Variants in TPD52 observed in about 807,000 individuals in gnomAD.
TPD52 encodes tumor protein D52, also known as prostate and colon associated protein.
In TPD52, 17 loss-of-function variants were observed where a neutral mutation model predicts 31.3. The ratio of observed to expected loss-of-function variants is 0.54; its 90% CI spans 0.37 to 0.82. The LOEUF (loss-of-function observed/expected upper bound fraction) is 0.82. TPD52 is among the 40% of genes least tolerant of loss of function. TPD52 has a pLI of 0.00. For synonymous variants in TPD52, 83 were observed against 89.6 expected, an observed-to-expected ratio of 0.93 and a Z score of 0.42; for missense variants, 212 against 240.1, an observed-to-expected ratio of 0.88 and a Z score of 0.77.
intron 1 of TPD52, among the ~76,000 whole-genome samples, chr8:80,065,309 A>C (rs1332558511): frequency 1.3e-5 from 2 of 150,226 alleles, no homozygotes; most frequent in Admixed American, 1.3e-4. Context: ...CTATCTATAT[A>C]TATATATATC....
At chr8:80,099,646 G>C (rs1367459910) in intron 1 of TPD52, among the ~76,000 whole-genome samples, 2 of 151,982 alleles carry the variant, frequency 1.3e-5, no homozygotes, top group African/African-American at 4.8e-5. Flanking sequence ...GAGTAGCTGG[G>C]ACTACAGGAG....
intron 1 of TPD52, among the ~76,000 whole-genome samples, chr8:80,123,810 T>C (rs6473202): frequency 0.11 from 17,427 of 152,184 alleles, 1,260 homozygotes; most frequent in South Asian, 0.22. Context: ...TTCTACATTC[T>C]TGGTACTGGT....
chr8:80,108,218 G>A (rs1807264796), intron 1 of TPD52, among the ~76,000 whole-genome samples: 1 of 152,036 alleles, frequency 6.6e-6, no homozygotes, highest in Non-Finnish European at 1.5e-5. Context: ...GGCATTTCCT[G>A]AACTCTTTCA....
intron 1 of TPD52, among the ~76,000 whole-genome samples, chr8:80,068,883 T>C (rs1406957676): frequency 2.0e-5 from 3 of 152,254 alleles, no homozygotes; most frequent in Non-Finnish European, 4.4e-5. Flanking sequence ...CATTGTGACA[T>C]GGTTATCACC....
chr8:80,105,728 G>A (rs1807058722), intron 1 of TPD52, among the ~76,000 whole-genome samples: 1 of 122,296 alleles, frequency 8.2e-6, no homozygotes, highest in Non-Finnish European at 1.6e-5. Flanking sequence ...TCCCAGGTCT[G>A]CTTTTTTTTT....
chr8:80,152,677 A>G (rs1412321401), intron 1 of TPD52, among the ~76,000 whole-genome samples: 1 of 151,722 alleles, frequency 6.6e-6, no homozygotes, highest in Non-Finnish European at 1.5e-5. Context: ...GCTACTCGGG[A>G]GGCTGAGGCA....
At chr8:80,089,546 C>T (rs570649511) in intron 1 of TPD52, among the ~76,000 whole-genome samples, 1 of 151,278 alleles carries the variant, frequency 6.6e-6, no homozygotes, top group Admixed American at 6.6e-5. Context: ...ACCCAGAGAT[C>T]GTCAAAAAAA....
At chr8:80,068,072 T>C (rs974915591) in intron 1 of TPD52, among the ~76,000 whole-genome samples, 2 of 151,796 alleles carry the variant, frequency 1.3e-5, no homozygotes, top group Non-Finnish European at 2.9e-5. Context: ...GTTTTTTTTT[T>C]CTCAGAATCT....
At chr8:80,097,067 A>G (rs954825516) in intron 1 of TPD52, among the ~76,000 whole-genome samples, 10 of 152,220 alleles carry the variant, frequency 6.6e-5, no homozygotes, top group Admixed American at 2.0e-4. Flanking sequence ...CACATGAATG[A>G]TAAGAGGGCA....
rs116800828 is a variant in TPD52 at position 80,090,663 on chromosome 8, C to T, written c.20-26070G>A. ...ACTTCTTTTCTCCTTTATTTTCCAT[C>T]CCAATGGGGGAAAAAAGACTATTAT... On this transcript the variant is annotated intron_variant, in intron 1 of 7. Coordinates refer to ENST00000518937, the MANE Select transcript of TPD52 (RefSeq NM_001025253.3). Among the ~76,000 whole-genome samples the T allele has an allele frequency of 4.3e-3, 646 of 151,882 alleles. 4 individuals are homozygous for T. The highest frequency in any genetic ancestry group is 0.014 in the African/African-American group (593 of 41,416).
intron 1 of TPD52, among the ~76,000 whole-genome samples, chr8:80,113,873 T>C (rs1170506961): frequency 6.6e-6 from 1 of 152,196 alleles, no homozygotes; most frequent in Non-Finnish European, 1.5e-5. Flanking sequence ...TCATTACACA[T>C]TGTATCCCGA....
intron 5 of TPD52, 88 bp from the exon 6 acceptor site, chr8:80,044,296 A>G: frequency 4.8e-6 from 5 of 1,044,800 alleles, no homozygotes; most frequent in Non-Finnish European, 5.5e-6. Context: ...TTAGCTCCCC[A>G]GGAGCTTTAT....
chr8:80,051,927 TG>T (rs749351392), intron 3 of TPD52: 109 of 282,724 alleles, frequency 3.9e-4, no homozygotes, highest in Non-Finnish European at 6.0e-4. Flanking sequence ...CAAACCAAGA[TG>T]AAAATAAGCA....
At chr8:80,053,519 T>C (rs964856691) in intron 2 of TPD52, 89 bp from the exon 3 acceptor site, 10 of 1,349,608 alleles carry the variant, frequency 7.4e-6, no homozygotes, top group Middle Eastern at 2.3e-4. Context: ...AAAATTCCAG[T>C]CATTAAACAT....
At chr8:80,104,438 C>T (rs201301407) in intron 1 of TPD52, among the ~76,000 whole-genome samples, 2 of 150,366 alleles carry the variant, frequency 1.3e-5, no homozygotes, top group African/African-American at 2.4e-5. Flanking sequence ...CGTACACACA[C>T]GATCTTGAAC....
chr8:80,109,261 C>G (rs1337684006), intron 1 of TPD52, among the ~76,000 whole-genome samples: 1 of 152,062 alleles, frequency 6.6e-6, no homozygotes, highest in Non-Finnish European at 1.5e-5. Context: ...TTTAAAAGTT[C>G]AATCTGATTC....
At chr8:80,103,337 G>C (rs1016303718) in intron 1 of TPD52, among the ~76,000 whole-genome samples, 7 of 152,262 alleles carry the variant, frequency 4.6e-5, no homozygotes, top group Admixed American at 2.0e-4. Flanking sequence ...CCTCTAACTA[G>C]AAACTTTCCA....
intron 1 of TPD52, among the ~76,000 whole-genome samples, chr8:80,081,834 C>T (rs1034283430): frequency 7.2e-5 from 11 of 152,058 alleles, no homozygotes; most frequent in Admixed American, 2.6e-4. Context: ...TACAGAGCTT[C>T]GCTCTTGTGA....
intron 1 of TPD52, among the ~76,000 whole-genome samples, chr8:80,070,151 T>TA (rs1813613408): frequency 6.6e-6 from 1 of 152,102 alleles, no homozygotes; most frequent in African/African-American, 2.4e-5. Context: ...AACCTACACT[T>TA]AAGCCAAAAA....
Sources: allele counts gnomAD v4.1 joint callset (sites outside exome capture counted in the v4.1 genomes callset), GRCh38; gene constraint gnomAD v4.1.1; transcripts MANE v1.5; gene names NCBI Gene and HGNC (gene_info 2026-07-23, HGNC 2026-07-21).